Variants in GLIS1 observed in about 807,000 individuals in gnomAD.
The protein encoded by GLIS1 is GLIS family zinc finger 1, also known as zinc finger protein GLIS1.
A neutral mutation model predicts 63.8 loss-of-function variants in GLIS1; 24 were observed. The ratio of observed to expected loss-of-function variants is 0.38; its 90% CI spans 0.27 to 0.53. The LOEUF is 0.53. Ranked by LOEUF, GLIS1 falls within the 20% of genes least tolerant of loss-of-function variation. The pLI, the probability that GLIS1 is intolerant of heterozygous loss-of-function variation, is 0.85. For missense variants in GLIS1, 1,036 were observed against 1,074.1 expected, an observed-to-expected ratio of 0.96 and a Z score of 0.50; for synonymous variants, 450 against 482.5, an observed-to-expected ratio of 0.93 and a Z score of 0.88.
chr1:53,718,155 T>C (rs1031178858), intron 2 of GLIS1, among the ~76,000 whole-genome samples: 10 of 152,358 alleles, frequency 6.6e-5, no homozygotes, highest in African/African-American at 1.4e-4. Context: ...TCTAGTCTTA[T>C]AGAAAATTCT....
At chr1:53,721,925 A>C (rs1646759674) in intron 2 of GLIS1, among the ~76,000 whole-genome samples, 1 of 152,256 alleles carries the variant, frequency 6.6e-6, no homozygotes, top group Admixed American at 6.5e-5. Context: ...CAAAGGCATT[A>C]ACATCCCTAA....
intron 1 of GLIS1, 36 bp from the exon 2 acceptor site, chr1:53,738,142 G>A (rs1238592726): frequency 1.7e-6 from 2 of 1,165,652 alleles, no homozygotes; most frequent in Admixed American, 8.5e-5. Flanking sequence ...GTTAGAATGC[G>A]GAAAGCGGCC....
intron 4 of GLIS1, among the ~76,000 whole-genome samples, chr1:53,589,651 G>A (rs905684633): frequency 6.6e-6 from 1 of 152,224 alleles, no homozygotes; most frequent in African/African-American, 2.4e-5. Context: ...ACAGTGGAGA[G>A]GGGCGTAAGG....
chr1:53,556,566 G>GT (rs1644831668), intron 4 of GLIS1, among the ~76,000 whole-genome samples: 10 of 55,602 alleles, frequency 1.8e-4, no homozygotes, highest in East Asian at 1.1e-3. Context: ...TGTACTGCAG[G>GT]GGTGTGTGTA....
chr1:53,692,193 A>G (rs530040523), intron 2 of GLIS1, among the ~76,000 whole-genome samples: 1 of 152,168 alleles, frequency 6.6e-6, no homozygotes, highest in Non-Finnish European at 1.5e-5. Flanking sequence ...TTCTAAAACT[A>G]CTATAGAACA....
At chr1:53,627,288 C>A (rs1171734436) in intron 2 of GLIS1, among the ~76,000 whole-genome samples, 2 of 152,192 alleles carry the variant, frequency 1.3e-5, no homozygotes, top group African/African-American at 4.8e-5. Context: ...AGTGACAATT[C>A]ATTTTCAGTA....
intron 4 of GLIS1, among the ~76,000 whole-genome samples, chr1:53,576,195 C>G (rs1645030481): frequency 6.6e-6 from 1 of 152,066 alleles, no homozygotes; most frequent in Admixed American, 6.5e-5. Flanking sequence ...GATCCAGGCC[C>G]AGCCACATTG....
chr1:53,515,926 G>C (rs1030351101), intron 7 of GLIS1, among the ~76,000 whole-genome samples: 2 of 151,944 alleles, frequency 1.3e-5, no homozygotes, highest in Admixed American at 6.5e-5. Flanking sequence ...GCTTCTCCGG[G>C]GCTCATCTCT....
intron 2 of GLIS1, among the ~76,000 whole-genome samples, chr1:53,678,225 A>T (rs1646235609): frequency 6.6e-6 from 1 of 151,848 alleles, no homozygotes; most frequent in Non-Finnish European, 1.5e-5. Flanking sequence ...AGCCACGCTG[A>T]GCTGCAGCTC....
intron 2 of GLIS1, among the ~76,000 whole-genome samples, chr1:53,635,049 G>T (rs1006353141): frequency 2.0e-5 from 3 of 152,034 alleles, no homozygotes; most frequent in African/African-American, 7.3e-5. Flanking sequence ...AACAGAGGTT[G>T]TCTCTGTTGT....
intron 7 of GLIS1, among the ~76,000 whole-genome samples, chr1:53,517,043 T>G (rs1162930142): frequency 6.6e-6 from 1 of 152,162 alleles, no homozygotes; most frequent in Non-Finnish European, 1.5e-5. Context: ...CAAGTGTCAG[T>G]GGGGAACATA....
rs906353544 is a variant in GLIS1 at position 53,639,632 on chromosome 1, C to T, written c.260-39354G>A. Reference sequence around the variant, plus strand: ...TAATATTTTCTTTCCTGTCTTACCTCGGAGACAGGGTGGGGCTTTTTTTTT... The same window carrying T: ...TAATATTTTCTTTCCTGTCTTACCTTGGAGACAGGGTGGGGCTTTTTTTTT... On this transcript the variant is annotated intron_variant, in intron 2 of 10. Coordinates refer to ENST00000628545, the MANE Select transcript of GLIS1 (RefSeq NM_001367484.1). This position sits in a 1 kb window ranked among gnomAD's most constrained non-coding sequence, Gnocchi z 4.6. Among the ~76,000 whole-genome samples, 3 of 152,218 alleles carry T rather than the reference C, an allele frequency of 2.0e-5. No individual in the cohort carries two copies. The highest frequency in any genetic ancestry group is 6.5e-5 in the Admixed American group (1 of 15,286).
At chr1:53,697,069 C>A (rs1483624617) in intron 2 of GLIS1, among the ~76,000 whole-genome samples, 1 of 152,168 alleles carries the variant, frequency 6.6e-6, no homozygotes, top group Non-Finnish European at 1.5e-5. Flanking sequence ...ATTCAATAAC[C>A]ACTGAGGACT....
intron 2 of GLIS1, among the ~76,000 whole-genome samples, chr1:53,728,998 G>A (rs181550179): frequency 3.8e-4 from 58 of 152,214 alleles, no homozygotes; most frequent in African/African-American, 1.3e-3. Context: ...AGATGCTGTC[G>A]TGGTGGATAA....
chr1:53,622,486 C>A (rs922945605), intron 2 of GLIS1, among the ~76,000 whole-genome samples: 11 of 149,552 alleles, frequency 7.4e-5, no homozygotes, highest in Admixed American at 4.0e-4. Flanking sequence ...CATGTCAAAT[C>A]TCCAGAATTG....
intron 2 of GLIS1, among the ~76,000 whole-genome samples, chr1:53,648,122 C>T (rs1013470768): frequency 6.6e-6 from 1 of 151,674 alleles, no homozygotes; most frequent in Non-Finnish European, 1.5e-5. Flanking sequence ...TGCAGTGAGC[C>T]GTGATTGCGC....
chr1:53,728,130 A>G (rs898113693), intron 2 of GLIS1, among the ~76,000 whole-genome samples: 1 of 152,168 alleles, frequency 6.6e-6, no homozygotes, highest in Non-Finnish European at 1.5e-5. Context: ...TCAAGGACGC[A>G]TAAGTAAATA....
intron 2 of GLIS1, among the ~76,000 whole-genome samples, chr1:53,702,121 T>G (rs761549864): frequency 1.9e-4 from 29 of 152,004 alleles, no homozygotes; most frequent in Non-Finnish European, 4.1e-4. Flanking sequence ...CCCTCCTGCA[T>G]TTGCCCATGT....
At chr1:53,565,234 A>G (rs1172869164) in intron 4 of GLIS1, among the ~76,000 whole-genome samples, 1 of 152,066 alleles carries the variant, frequency 6.6e-6, no homozygotes, top group Admixed American at 6.5e-5. Flanking sequence ...TCTGAGATGC[A>G]GTAAAAGTGG....
Sources: allele counts gnomAD v4.1 joint callset (sites outside exome capture counted in the v4.1 genomes callset), GRCh38; gene constraint gnomAD v4.1.1; non-coding constraint Gnocchi (gnomAD v3.1); transcripts MANE v1.5; gene names NCBI Gene and HGNC (gene_info 2026-07-23, HGNC 2026-07-21).